Variants in WASF3 observed in about 807,000 individuals in gnomAD.
WASF3 encodes the protein WASP family member 3.
In WASF3, 11 loss-of-function variants were observed where a neutral mutation model predicts 46.6. The observed-to-expected ratio is 0.24, with a 90% CI of 0.15 to 0.39. WASF3 has a LOEUF of 0.39. WASF3 is among the 10% of genes least tolerant of loss of function. The pLI is 1.00. For synonymous variants in WASF3, 242 were observed against 259.7 expected, an observed-to-expected ratio of 0.93 and a Z score of 0.65; for missense variants, 576 against 669.8, an observed-to-expected ratio of 0.86 and a Z score of 1.55.
chr13:26,563,654 C>CAAAA (rs34374716), intron 1 of WASF3, among the ~76,000 whole-genome samples: 578 of 46,924 alleles, frequency 0.012, 49 homozygotes, highest in East Asian at 0.042. Flanking sequence ...GACTCCATCT[C>CAAAA]AAAAAAAAAA....
intron 1 of WASF3, among the ~76,000 whole-genome samples, chr13:26,578,589 A>G (rs1316831496): frequency 1.3e-5 from 2 of 152,168 alleles, no homozygotes; most frequent in East Asian, 1.9e-4. Flanking sequence ...TCTTTAACCA[A>G]TTCACAAGAA....
upstream of WASF3, among the ~76,000 whole-genome samples, chr13:26,557,437 G>A (rs1879124102): frequency 6.6e-6 from 1 of 152,208 alleles, no homozygotes; most frequent in South Asian, 2.1e-4. Context: ...CTCCTCGCTG[G>A]AAAGGACGCT....
At chr13:26,539,444 G>A in the WASF3 span, among the ~76,000 whole-genome samples, 1 of 152,138 alleles carries the variant, frequency 6.6e-6, no homozygotes, top group East Asian at 1.9e-4. Flanking sequence ...GAATTAGTAT[G>A]CTACTCCTTA....
At chr13:26,670,895 G>A (rs1566070188) in intron 5 of WASF3, among the ~76,000 whole-genome samples, 4 of 152,186 alleles carry the variant, frequency 2.6e-5, no homozygotes. Flanking sequence ...CACTTAACAG[G>A]AGATGGCATA....
chr13:26,592,285 ATATTTT>A (rs539677489), intron 1 of WASF3, among the ~76,000 whole-genome samples: 56 of 152,288 alleles, frequency 3.7e-4, no homozygotes, highest in African/African-American at 1.3e-3. Context: ...AATATTGGAA[ATATTTT>A]TGTTTTTTTG....
Position 26,590,860 on chromosome 13 carries a change from A to G in WASF3, c.-108-22101A>G, listed in dbSNP as rs116431581. ...GAGAATTGGGCAGTAAAGGAGACAAATTAATAAATTATTCACATGTAGCAT... is the reference window on the plus strand; with the variant it reads ...GAGAATTGGGCAGTAAAGGAGACAAGTTAATAAATTATTCACATGTAGCAT... On this transcript the variant is annotated intron_variant, in intron 1 of 9. Coordinates refer to ENST00000335327, the MANE Select transcript of WASF3 (RefSeq NM_006646.6). 8.3e-3 allele frequency among the ~76,000 whole-genome samples: 1,267 copies of G among 152,330 alleles called. 20 individuals are homozygous for G. The highest frequency in any genetic ancestry group is 0.029 in the African/African-American group (1,215 of 41,572).
intron 1 of WASF3, among the ~76,000 whole-genome samples, chr13:26,558,192 C>T (rs1449704993): frequency 3.3e-5 from 5 of 152,024 alleles, no homozygotes; most frequent in Admixed American, 6.5e-5. Flanking sequence ...CCTCCGCTCG[C>T]GCCCCACGCA....
chr13:26,670,024 A>G (rs1470063054), intron 5 of WASF3, among the ~76,000 whole-genome samples: 2 of 152,228 alleles, frequency 1.3e-5, no homozygotes, highest in Admixed American at 1.3e-4. Context: ...CCAAAGGATT[A>G]TAAATCATCC....
rs1419868296 is a variant in WASF3, at chr13:26,683,117, TG to T, written c.1351+144del. 2.9e-5 allele frequency: 36 copies of T among 1,225,490 alleles called. No homozygotes were observed. In the East Asian group the frequency reaches 8.9e-4, roughly 30 times the overall value. The allele number at this position is 1,225,490 out of a possible 1,614,324, so 75.9% of individuals were successfully genotyped here. On this transcript the variant is annotated intron_variant, in intron 9 of 9. Coordinates refer to ENST00000335327, the MANE Select transcript of WASF3 (RefSeq NM_006646.6). ...TTAAAGGGGTCTTACTTGATTTTTTTGTTTTGTTTTGAATAGTAGTTGTGTT... is the reference window on the plus strand; with the variant it reads ...TTAAAGGGGTCTTACTTGATTTTTTTTTTTGTTTTGAATAGTAGTTGTGTT...
chr13:26,624,985 A>G (rs1400190746), intron 2 of WASF3, among the ~76,000 whole-genome samples: 1 of 152,218 alleles, frequency 6.6e-6, no homozygotes, highest in East Asian at 1.9e-4. Flanking sequence ...GCACTGTAAG[A>G]AATGAAAGGA....
In WASF3 at chr13:26,688,364, G is replaced by T. The variant is rs1159331663; in HGVS notation, c.*2519G>T. 6.6e-6 allele frequency: 1 copy of T among 152,176 alleles called. No individual in the cohort carries two copies. The highest frequency in any genetic ancestry group is 1.5e-5 in the Non-Finnish European group (1 of 68,032). 9.4% of individuals were successfully genotyped at this position (152,176 alleles called of 1,614,324 possible). A position where few individuals can be genotyped will look rare whatever the true frequency, so the allele number is the denominator to read the frequency against. ...TTAAATTATAGTTATAAATTGTAAGGTAATTTTAAATTGTCCCTCGTATTA... is the reference window on the plus strand; with the variant it reads ...TTAAATTATAGTTATAAATTGTAAGTTAATTTTAAATTGTCCCTCGTATTA... On this transcript the variant is annotated 3_prime_UTR_variant, in exon 10 of 10. Coordinates refer to ENST00000335327, the MANE Select transcript of WASF3 (RefSeq NM_006646.6).
At chr13:26,559,906 C>T (rs1879242865) in intron 1 of WASF3, among the ~76,000 whole-genome samples, 1 of 145,048 alleles carries the variant, frequency 6.9e-6, no homozygotes, top group South Asian at 2.2e-4. Context: ...CAACCTCCGC[C>T]TCCTGGGTTC....
intron 2 of WASF3, among the ~76,000 whole-genome samples, chr13:26,627,700 C>G (rs1881511319): frequency 6.6e-6 from 1 of 151,908 alleles, no homozygotes; most frequent in African/African-American, 2.4e-5. Flanking sequence ...TAAACACATA[C>G]AAATGTTGGA....
intron 2 of WASF3, among the ~76,000 whole-genome samples, chr13:26,634,299 A>G (rs4598760): frequency 0.062 from 9,396 of 152,262 alleles, 779 homozygotes; most frequent in African/African-American, 0.18. Flanking sequence ...ATCAGAGACT[A>G]GGATTGCAAC....
chr13:26,669,212 T>C (rs1827222), intron 5 of WASF3, among the ~76,000 whole-genome samples: 16 of 138,238 alleles, frequency 1.2e-4, no homozygotes, highest in African/African-American at 4.6e-4. Flanking sequence ...TTGACTTTTT[T>C]TTTTTTTTTT....
At chr13:26,600,368 T>C (rs772717638) in intron 1 of WASF3, among the ~76,000 whole-genome samples, 10 of 152,210 alleles carry the variant, frequency 6.6e-5, no homozygotes, top group Non-Finnish European at 1.0e-4. Context: ...TCTTAGTTCC[T>C]TTGTTTGTAA....
intron 2 of WASF3, chr13:26,640,401 T>C (rs139755468): frequency 5.5e-4 from 80 of 146,368 alleles, no homozygotes; most frequent in African/African-American, 1.9e-3. Context: ...ATCATCTCTT[T>C]TTTTTTCTTT....
At chr13:26,544,671 AT>A in the WASF3 span, among the ~76,000 whole-genome samples, 1 of 152,200 alleles carries the variant, frequency 6.6e-6, no homozygotes, top group Non-Finnish European at 1.5e-5. Context: ...AGAATCTGGC[AT>A]TGTTTCCCTG....
intron 6 of WASF3, among the ~76,000 whole-genome samples, chr13:26,673,449 C>A (rs1265054155): frequency 2.6e-5 from 4 of 152,142 alleles, no homozygotes; most frequent in Non-Finnish European, 5.9e-5. Flanking sequence ...AGGATTACCA[C>A]CCTCATGGAG....
Sources: allele counts gnomAD v4.1 joint callset (sites outside exome capture counted in the v4.1 genomes callset), GRCh38; gene constraint gnomAD v4.1.1; transcripts MANE v1.5; gene names NCBI Gene and HGNC (gene_info 2026-07-23, HGNC 2026-07-21).